Variants in CSMD3 observed in about 807,000 individuals in gnomAD.
CSMD3 encodes CUB and sushi domain-containing protein 3.
A neutral mutation model predicts 435.2 loss-of-function variants in CSMD3; 177 were observed. The observed-to-expected ratio is 0.41, with a 90% CI of 0.36 to 0.46. CSMD3 has a LOEUF of 0.46. CSMD3 is among the 20% of genes least tolerant of loss of function. The probability of loss-of-function intolerance (pLI) is 0.34; values close to 1 mark genes in which losing one functional copy is unlikely to be tolerated. For synonymous variants in CSMD3, 1,656 were observed against 1,520.5 expected, an observed-to-expected ratio of 1.09 and a Z score of -2.07; for missense variants, 4,265 against 4,504.6, an observed-to-expected ratio of 0.95 and a Z score of 1.52.
chr8:112,403,638 T>C (rs1377796166), intron 35 of CSMD3, among the ~76,000 whole-genome samples: 1 of 152,070 alleles, frequency 6.6e-6, no homozygotes. Context: ...AGACTTCTTT[T>C]ATAAAGGCAC....
At chr8:112,387,647 G>T (rs541986653) in intron 36 of CSMD3, among the ~76,000 whole-genome samples, 1 of 152,148 alleles carries the variant, frequency 6.6e-6, no homozygotes, top group South Asian at 2.1e-4. Flanking sequence ...TTTGCTAAAC[G>T]TGCTGCTAAA....
In CSMD3 at chr8:112,301,833, A is replaced by G. The variant is rs1820950490; in HGVS notation, c.8400T>C (p.Leu2800=). The stretch of plus-strand genomic sequence containing the variant: ...CAGATTCACTCCAAAGACCTGAGGA[A>G]AGGCATTCCCTTACAGCAGAGCCCA... ...MLVGSAVREC[L]SSGLWSESET... is the part of the protein sequence containing the mutation. Residue 2800 remains leucine, a synonymous_variant, in exon 53 of 71, where the codon CTT becomes CTC. Transcript: ENST00000297405. 1.2e-6 allele frequency: 2 copies of G among 1,613,950 alleles called. No individual in the cohort carries two copies. The highest frequency in any genetic ancestry group is 1.1e-5 in the South Asian group (1 of 91,078).
At chr8:112,416,393 GA>G (rs2130205048) in intron 32 of CSMD3, among the ~76,000 whole-genome samples, 1 of 152,294 alleles carries the variant, frequency 6.6e-6, no homozygotes, top group East Asian at 1.9e-4. Context: ...TCAGGACTGT[GA>G]ATCAATAAAA....
intron 11 of CSMD3, among the ~76,000 whole-genome samples, chr8:112,843,459 G>T (rs1429706247): frequency 6.6e-6 from 1 of 151,860 alleles, no homozygotes; most frequent in African/African-American, 2.4e-5. Context: ...CCAAAAAAAA[G>T]CTGTGACTAT....
chr8:112,874,476 T>G (rs1307673065), intron 10 of CSMD3, among the ~76,000 whole-genome samples: 2 of 152,164 alleles, frequency 1.3e-5, no homozygotes, highest in Non-Finnish European at 2.9e-5. Flanking sequence ...ATTTTCTGTC[T>G]CATTAATCTA....
At chr8:113,073,931 T>A (rs2131417441) in intron 5 of CSMD3, among the ~76,000 whole-genome samples, 1 of 151,886 alleles carries the variant, frequency 6.6e-6, no homozygotes, top group Non-Finnish European at 1.5e-5. Context: ...CTTGAAACAG[T>A]CTTGTCCTCC....
At chr8:112,484,685 G>T (rs1439084993) in intron 31 of CSMD3, among the ~76,000 whole-genome samples, 3 of 152,028 alleles carry the variant, frequency 2.0e-5, no homozygotes, top group Admixed American at 1.3e-4. Context: ...CAAGTCAATG[G>T]TAACAATAAA....
At chr8:113,375,460 G>C (rs1319641843) in intron 1 of CSMD3, among the ~76,000 whole-genome samples, 1 of 151,682 alleles carries the variant, frequency 6.6e-6, no homozygotes, top group African/African-American at 2.4e-5. Context: ...GCAAAGTTCA[G>C]AGGCAGCCAG....
chr8:112,912,630 T>G (rs1235532245), intron 10 of CSMD3, among the ~76,000 whole-genome samples: 1 of 151,928 alleles, frequency 6.6e-6, no homozygotes, highest in African/African-American at 2.4e-5. Flanking sequence ...TAGAGAAAAC[T>G]AATGTCTCTC....
intron 22 of CSMD3, among the ~76,000 whole-genome samples, chr8:112,609,938 A>G (rs750395651): frequency 1.3e-5 from 2 of 152,130 alleles, no homozygotes; most frequent in Non-Finnish European, 2.9e-5. Context: ...CAAATGCTCC[A>G]TGATCTCATG....
chr8:112,829,643 G>A (rs751068264), intron 12 of CSMD3, 43 bp downstream of exon 12: 1 of 1,103,378 alleles, frequency 9.1e-7, no homozygotes, highest in Admixed American at 1.7e-5. Flanking sequence ...AATTTTATTA[G>A]TACCCGATAG....
chr8:113,427,727 T>C (rs1282795418), intron 1 of CSMD3, among the ~76,000 whole-genome samples: 2 of 151,670 alleles, frequency 1.3e-5, no homozygotes, highest in African/African-American at 4.8e-5. Flanking sequence ...AATATGTATT[T>C]GCCCCTACAA....
At chr8:113,255,635 T>G (rs1391134875) in intron 3 of CSMD3, among the ~76,000 whole-genome samples, 1 of 151,940 alleles carries the variant, frequency 6.6e-6, no homozygotes, top group Admixed American at 6.6e-5. Flanking sequence ...TGAATAATAT[T>G]AGAAGTACAA....
At chr8:113,297,495 A>G (rs907797729) in intron 2 of CSMD3, among the ~76,000 whole-genome samples, 5 of 152,080 alleles carry the variant, frequency 3.3e-5, no homozygotes, top group African/African-American at 1.2e-4. Flanking sequence ...ACAATAAATT[A>G]CTCCAATTAA....
intron 27 of CSMD3, among the ~76,000 whole-genome samples, chr8:112,540,599 G>A (rs1826573824): frequency 6.6e-6 from 1 of 151,922 alleles, no homozygotes; most frequent in South Asian, 2.1e-4. Flanking sequence ...GCCACGGGGA[G>A]GAAAAACATA....
intron 10 of CSMD3, among the ~76,000 whole-genome samples, chr8:112,883,682 G>A (rs1258842442): frequency 6.6e-6 from 1 of 151,802 alleles, no homozygotes; most frequent in Non-Finnish European, 1.5e-5. Flanking sequence ...TCAAAACTAA[G>A]AAATTACCCT....
chr8:112,902,084 C>T (rs542749063), intron 10 of CSMD3, among the ~76,000 whole-genome samples: 122 of 151,296 alleles, frequency 8.1e-4, no homozygotes, highest in African/African-American at 2.8e-3. Flanking sequence ...CCTTTTCAAC[C>T]CCATGACCTT....
chr8:112,382,312 T>C (rs951004840), intron 37 of CSMD3, among the ~76,000 whole-genome samples: 1 of 127,046 alleles, frequency 7.9e-6, no homozygotes, highest in Admixed American at 8.4e-5. Context: ...AAAAAATTAA[T>C]AATACTACTA....
chr8:112,715,279 G>C (rs560792541), intron 13 of CSMD3, among the ~76,000 whole-genome samples: 1 of 152,224 alleles, frequency 6.6e-6, no homozygotes, highest in East Asian at 1.9e-4. Flanking sequence ...ACTACCATCA[G>C]AGAATACTAT....
Sources: gnomAD v4.1 joint callset for allele counts (sites outside exome capture counted in the v4.1 genomes callset) on GRCh38, gnomAD v4.1.1 for gene constraint, MANE v1.5 for transcripts, NCBI Gene and HGNC (gene_info 2026-07-23, HGNC 2026-07-21) for gene names.